Variants in STX18 observed in about 807,000 individuals in gnomAD.
STX18 encodes the protein syntaxin 18.
A neutral mutation model predicts 50.1 loss-of-function variants in STX18; 40 were observed. The observed-to-expected ratio is 0.80, with a 90% CI of 0.62 to 1.04. STX18 has a LOEUF of 1.04. STX18 is among the 50% of genes least tolerant of loss of function. STX18 has a pLI of 0.00. For missense variants in STX18, 410 were observed against 415.8 expected (o/e 0.99, Z 0.12); for synonymous variants, 158 against 151.8 (o/e 1.04, Z -0.30).
chr4:4,533,577 A>G (rs748507951), intron 1 of STX18, among the ~76,000 whole-genome samples: 52 of 152,230 alleles, frequency 3.4e-4, no homozygotes, highest in Non-Finnish European at 7.1e-4. Flanking sequence ...CAGTGCTTAC[A>G]ACAAATTAAC....
chr4:4,494,875 CAG>C (rs377403724), intron 1 of STX18, among the ~76,000 whole-genome samples: 9 of 152,258 alleles, frequency 5.9e-5, no homozygotes, highest in South Asian at 2.1e-4. Flanking sequence ...GTCTAGAAAA[CAG>C]AGAGAGAGTG....
At chr4:4,511,268 T>G (rs929690833) in intron 1 of STX18, among the ~76,000 whole-genome samples, 1 of 152,242 alleles carries the variant, frequency 6.6e-6, no homozygotes, top group African/African-American at 2.4e-5. Context: ...CAAAGAGGAA[T>G]GCAGCTTGTC....
intron 7 of STX18, among the ~76,000 whole-genome samples, chr4:4,433,011 T>C (rs2108781689): frequency 6.6e-6 from 1 of 152,366 alleles, no homozygotes; most frequent in South Asian, 2.1e-4. Context: ...ACGCTGCTCC[T>C]GTGCAGCAAC....
chr4:4,438,834 C>G (rs953708411), intron 5 of STX18, among the ~76,000 whole-genome samples: 1 of 151,908 alleles, frequency 6.6e-6, no homozygotes, highest in Admixed American at 6.6e-5. Flanking sequence ...ACCCAGGAAG[C>G]TGGATTGATG....
In STX18 at chr4:4,420,392, G is replaced by C. The variant is rs574088717; in HGVS notation, c.913-263C>G. ...CGGAATCACTCCCTTCTGTCCCAGG[G>C]TTAAGGGCCCCGAGCAGAGTGTGAC... On this transcript the variant is annotated intron_variant, in intron 10 of 10. Transcript: ENST00000306200. The surrounding 1 kb of genome is among the most constrained non-coding windows in gnomAD (Gnocchi z 4.3). 6 of 482,940 alleles carry C rather than the reference G, an allele frequency of 1.2e-5. No homozygotes were observed. The highest frequency in any genetic ancestry group is 3.8e-5 in the East Asian group (1 of 26,260). The allele number at this position is 482,940 out of a possible 1,614,324, so 29.9% of individuals were successfully genotyped here.
At chr4:4,539,363 C>A (rs913826499) in intron 1 of STX18, among the ~76,000 whole-genome samples, 1 of 152,310 alleles carries the variant, frequency 6.6e-6, no homozygotes, top group Admixed American at 6.5e-5. Flanking sequence ...CCAGGCCAAA[C>A]AAAATAACAG....
chr4:4,478,576 G>C (rs1309935523), intron 1 of STX18: 3 of 152,282 alleles, frequency 2.0e-5, no homozygotes, highest in Non-Finnish European at 2.9e-5. Context: ...TGGGGGGCCT[G>C]GATGAATCAG....
At chr4:4,542,319 C>T (rs1435156083), upstream of STX18, 2 of 203,866 alleles carry the variant, frequency 9.8e-6, no homozygotes, top group African/African-American at 4.6e-5. Flanking sequence ...GAGGCTCCTT[C>T]CCTTCTGGCG....
intron 1 of STX18, among the ~76,000 whole-genome samples, chr4:4,496,229 G>GT (rs997576891): frequency 6.6e-6 from 1 of 152,264 alleles, no homozygotes; most frequent in East Asian, 1.9e-4. Context: ...AGCAACGCCA[G>GT]TGGTAAGGTA....
chr4:4,423,632 A>G, intron 8 of STX18, 45 bp from the exon 9 acceptor site: 1 of 1,576,144 alleles, frequency 6.3e-7, no homozygotes, highest in Non-Finnish European at 8.7e-7. Flanking sequence ...AGCACTTGGT[A>G]ATCTAACAGG....
chr4:4,488,221 CA>C (rs1260728860), intron 1 of STX18, among the ~76,000 whole-genome samples: 3 of 151,964 alleles, frequency 2.0e-5, no homozygotes, highest in South Asian at 2.1e-4. Flanking sequence ...AGGTTCTATC[CA>C]AAGCCGTCTC....
At position 4,542,011 on chromosome 4, in the gene STX18, G is replaced by A. The variant is rs112936039; in HGVS notation, c.-47C>T. Reference sequence around the variant, plus strand: ...CACACTAGGCCCGCCCACGTAAGCAGCCGGCGACCGCGGCGCGAACCCGGC... The same window carrying A: ...CACACTAGGCCCGCCCACGTAAGCAACCGGCGACCGCGGCGCGAACCCGGC... On this transcript the variant is annotated 5_prime_UTR_variant, in exon 1 of 11. Coordinates refer to ENST00000306200, the MANE Select transcript of STX18 (RefSeq NM_016930.4). 4,773 of 1,500,684 alleles carry A rather than the reference G, an allele frequency of 3.2e-3. 145 individuals are homozygous for A. In the African/African-American group the frequency reaches 0.059, roughly 19 times the overall value. 93.0% of individuals were successfully genotyped at this position (1,500,684 alleles called of 1,614,324 possible). A position where few individuals can be genotyped will look rare whatever the true frequency, so the allele number is the denominator to read the frequency against.
At chr4:4,477,631 T>G (rs566603189) in intron 1 of STX18, among the ~76,000 whole-genome samples, 1 of 152,214 alleles carries the variant, frequency 6.6e-6, no homozygotes, top group South Asian at 2.1e-4. Flanking sequence ...CAGGGACATG[T>G]GGGTTGAAGC....
chr4:4,495,539 T>A (rs968058025), intron 1 of STX18, among the ~76,000 whole-genome samples: 4 of 150,124 alleles, frequency 2.7e-5, no homozygotes, highest in Non-Finnish European at 5.9e-5. Context: ...CAGGCACGCG[T>A]GTCTGGCTAA....
intron 1 of STX18, among the ~76,000 whole-genome samples, chr4:4,488,502 T>C (rs1434460146): frequency 1.3e-5 from 2 of 152,142 alleles, no homozygotes; most frequent in East Asian, 3.8e-4. Flanking sequence ...ATCACTTATT[T>C]GCAAGACAAG....
intron 1 of STX18, among the ~76,000 whole-genome samples, chr4:4,491,284 T>A (rs1728930940): frequency 6.6e-6 from 1 of 152,110 alleles, no homozygotes; most frequent in Admixed American, 6.5e-5. Context: ...CTTTCAAAAC[T>A]TCAGTCTGGA....
intron 6 of STX18, among the ~76,000 whole-genome samples, chr4:4,437,932 T>A (rs944516302): frequency 6.6e-6 from 1 of 152,220 alleles, no homozygotes; most frequent in African/African-American, 2.4e-5. Context: ...CCCTCTAGTA[T>A]CTGTGGTGAT....
chr4:4,469,831 A>G (rs1443054814), intron 2 of STX18, among the ~76,000 whole-genome samples: 9 of 152,144 alleles, frequency 5.9e-5, no homozygotes, highest in Admixed American at 3.9e-4. Context: ...ACAGGTGGAA[A>G]GAAGGTGATG....
Position 4,420,865 on chromosome 4 carries a change from T to C in STX18, c.911A>G (p.Glu304Gly). 1.2e-6 allele frequency: 2 copies of C among 1,614,058 alleles called. No individual in the cohort carries two copies. The highest frequency in any genetic ancestry group is 1.7e-6 in the Non-Finnish European group (2 of 1,179,970). ...NIKEGNEDIR[E>G]AIKNNAGFRV... is the part of the protein sequence containing the mutation. ...CTGGGGAACCTAAACAGTGCCTACC[T>C]CTCTTATGTCTTCGTTGCCTTCCTT... Residue 304 changes from glutamate to glycine, a missense_variant and splice_region_variant, in exon 10 of 11, where the codon GAG becomes GGG. Glu to Gly is a moderately conservative substitution (Grantham distance 98). Transcript: ENST00000306200. This position sits in a 1 kb window ranked among gnomAD's most constrained non-coding sequence, Gnocchi z 4.3.
Sources: gnomAD v4.1 joint callset for allele counts (sites outside exome capture counted in the v4.1 genomes callset) on GRCh38, gnomAD v4.1.1 for gene constraint, Gnocchi (gnomAD v3.1) non-coding constraint, MANE v1.5 for transcripts, NCBI Gene and HGNC (gene_info 2026-07-23, HGNC 2026-07-21) for gene names.